CNTNAP2: variants seen among roughly 807,000 people sequenced by gnomAD.
The protein encoded by CNTNAP2 is contactin associated protein 2, also known as contactin-associated protein-like 2.
A neutral mutation model predicts 155.2 loss-of-function variants in CNTNAP2; 98 were observed. The ratio of observed to expected loss-of-function variants is 0.63; its 90% CI spans 0.54 to 0.75. The LOEUF (loss-of-function observed/expected upper bound fraction) is 0.75. CNTNAP2 is among the 30% of genes least tolerant of loss of function. The pLI is 0.00. For synonymous variants in CNTNAP2, 651 were observed against 631.2 expected, an observed-to-expected ratio of 1.03 and a Z score of -0.47; for missense variants, 1,727 against 1,688.1, an observed-to-expected ratio of 1.02 and a Z score of -0.40.
chr7:148,345,430 T>G (rs1319787952), intron 21 of CNTNAP2, among the ~76,000 whole-genome samples: 1 of 152,118 alleles, frequency 6.6e-6, no homozygotes, highest in Non-Finnish European at 1.5e-5. Flanking sequence ...TGACGCAATC[T>G]CAGCTCACTG....
At chr7:146,131,991 G>A (rs905183963) in intron 1 of CNTNAP2, among the ~76,000 whole-genome samples, 1 of 152,076 alleles carries the variant, frequency 6.6e-6, no homozygotes, top group African/African-American at 2.4e-5. Flanking sequence ...GTTTCCTTAG[G>A]ACTCCCCAGT....
rs10528525 is a variant in CNTNAP2, at chr7:147,784,494, AAT to A, written c.2099-119016_2099-119015del. 9.5e-3 allele frequency among the ~76,000 whole-genome samples: 419 copies of A among 44,188 alleles called. 3 individuals are homozygous for A. The highest frequency in any genetic ancestry group is 0.018 in the Non-Finnish European group (253 of 14,456). The allele number at this position is 44,188 out of a possible 152,430, so 29.0% of individuals were successfully genotyped here. On this transcript the variant is annotated intron_variant, in intron 13 of 23. Transcript: ENST00000361727. ...CTCTTAATATTCTGGGCTCTGGACT[AAT>A]ATATATATATATATATATATATATA...
At chr7:147,673,508 C>G (rs1333989049) in intron 13 of CNTNAP2, among the ~76,000 whole-genome samples, 1 of 152,200 alleles carries the variant, frequency 6.6e-6, no homozygotes, top group African/African-American at 2.4e-5. Context: ...TCCTCTTTCA[C>G]TATAGCATGC....
chr7:146,719,426 A>G (rs925331877), intron 1 of CNTNAP2, among the ~76,000 whole-genome samples: 1 of 152,178 alleles, frequency 6.6e-6, no homozygotes, highest in Non-Finnish European at 1.5e-5. Flanking sequence ...GTTTTGCCTA[A>G]TTTTTTCAGA....
At chr7:147,431,024 C>A (rs984446256) in intron 10 of CNTNAP2, among the ~76,000 whole-genome samples, 2 of 148,308 alleles carry the variant, frequency 1.3e-5, no homozygotes, top group Admixed American at 1.4e-4. Context: ...GCACTCCAGG[C>A]TGGGCGACAG....
intron 13 of CNTNAP2, among the ~76,000 whole-genome samples, chr7:147,722,706 T>G (rs2117029382): frequency 6.6e-6 from 1 of 152,222 alleles, no homozygotes; most frequent in South Asian, 2.1e-4. Context: ...TCAAGTAATG[T>G]TATTGCTTAA....
Position 146,158,143 on chromosome 7 carries a change from G to A in CNTNAP2, c.97+41170G>A, listed in dbSNP as rs146781528. On this transcript the variant is annotated intron_variant, in intron 1 of 23. Coordinates refer to ENST00000361727, the MANE Select transcript of CNTNAP2 (RefSeq NM_014141.6). ...AAACAGGTTGTGGAGTGGACCTCCAGCAAACTCCAACAGACCAGCACCTGA... is the reference window on the plus strand; with the variant it reads ...AAACAGGTTGTGGAGTGGACCTCCAACAAACTCCAACAGACCAGCACCTGA... Among the ~76,000 whole-genome samples, 736 of 152,258 alleles carry A rather than the reference G, an allele frequency of 4.8e-3. 7 individuals are homozygous for A. The highest frequency in any genetic ancestry group is 0.017 in the African/African-American group (701 of 41,548).
At position 147,108,194 on chromosome 7, in the gene CNTNAP2, T is replaced by C. The variant is rs1800804553; in HGVS notation, c.598T>C (p.Phe200Leu). Residue 200 changes from phenylalanine (F) to leucine (L), a missense_variant, in exon 5 of 24, where the codon TTC (phenylalanine) becomes CTC (leucine). Coordinates refer to ENST00000361727, the MANE Select transcript of CNTNAP2 (RefSeq NM_014141.6). Reference protein sequence around the residue: ...FDGHVVLPYRFRNKKMKTLKD... With the variant: ...FDGHVVLPYRLRNKKMKTLKD... ...TGGCCATGTTGTATTACCATATAGATTCAGAAACAAGAAGATGAAAACACT... is the reference window on the plus strand; with the variant it reads ...TGGCCATGTTGTATTACCATATAGACTCAGAAACAAGAAGATGAAAACACT... 3 of 1,613,672 alleles carry C rather than the reference T, an allele frequency of 1.9e-6. No homozygotes were observed. Among genetic ancestry groups the C allele is most frequent in the Non-Finnish European group, 2.5e-6 (3 of 1,179,770 alleles).
In CNTNAP2 at chr7:146,390,538, TG is replaced by T. The variant is rs1385157570; in HGVS notation, c.97+273566del. ...ATGTCACTCATGAAATTAAAATATA[TG>T]TATATATATACACACTATATATATA... On this transcript the variant is annotated intron_variant, in intron 1 of 23. Coordinates refer to ENST00000361727, the MANE Select transcript of CNTNAP2 (RefSeq NM_014141.6). Among the ~76,000 whole-genome samples the T allele has an allele frequency of 2.0e-5, 3 of 151,210 alleles. No homozygotes were observed. The South Asian group carries it at 6.2e-4, about 31-fold the overall frequency.
At chr7:146,299,146 C>T (rs1187655900) in intron 1 of CNTNAP2, among the ~76,000 whole-genome samples, 1 of 152,052 alleles carries the variant, frequency 6.6e-6, no homozygotes, top group Non-Finnish European at 1.5e-5. Flanking sequence ...TGGCATGTGC[C>T]TGTAATCCCA....
chr7:146,749,302 C>T (rs539572453), intron 1 of CNTNAP2, among the ~76,000 whole-genome samples: 1 of 152,170 alleles, frequency 6.6e-6, no homozygotes, highest in Non-Finnish European at 1.5e-5. Flanking sequence ...AAAGTAAACA[C>T]TTTTATTACC....
At chr7:147,116,942 C>T (rs961715331) in intron 5 of CNTNAP2, among the ~76,000 whole-genome samples, 4 of 152,194 alleles carry the variant, frequency 2.6e-5, no homozygotes, top group East Asian at 1.9e-4. Flanking sequence ...AAGGCCCAGT[C>T]GACCAAATAG....
chr7:148,171,841 A>G (rs147825800), intron 17 of CNTNAP2, among the ~76,000 whole-genome samples: 1 of 152,340 alleles, frequency 6.6e-6, no homozygotes, highest in African/African-American at 2.4e-5. Context: ...AACTATGCTA[A>G]TACATTCATG....
chr7:146,507,960 AC>A (rs1199304705), intron 1 of CNTNAP2, among the ~76,000 whole-genome samples: 1 of 152,158 alleles, frequency 6.6e-6, no homozygotes, highest in African/African-American at 2.4e-5. Flanking sequence ...AGTCCATCAC[AC>A]AGTGGTACTG....
chr7:147,460,448 T>G (rs1798003009), intron 10 of CNTNAP2, among the ~76,000 whole-genome samples: 1 of 152,162 alleles, frequency 6.6e-6, no homozygotes, highest in South Asian at 2.1e-4. Flanking sequence ...GCTGCATAAA[T>G]TGACTTTATA....
intron 1 of CNTNAP2, among the ~76,000 whole-genome samples, chr7:146,145,131 T>C (rs1434570145): frequency 6.6e-6 from 1 of 152,310 alleles, no homozygotes; most frequent in East Asian, 1.9e-4. Flanking sequence ...GAAACTCATC[T>C]TTTTCTGAGA....
chr7:146,745,101 A>G (rs1801786858), intron 1 of CNTNAP2, among the ~76,000 whole-genome samples: 1 of 152,214 alleles, frequency 6.6e-6, no homozygotes, highest in Admixed American at 6.5e-5. Context: ...AAACCATAAC[A>G]ATATTAATAG....
chr7:146,407,443 C>A (rs1795808352), intron 1 of CNTNAP2, among the ~76,000 whole-genome samples: 1 of 152,132 alleles, frequency 6.6e-6, no homozygotes, highest in Admixed American at 6.6e-5. Flanking sequence ...ATATAAATAT[C>A]TTAAGACTGG....
intron 1 of CNTNAP2, among the ~76,000 whole-genome samples, chr7:146,770,057 C>G (rs1356909152): frequency 6.6e-6 from 1 of 152,090 alleles, no homozygotes; most frequent in East Asian, 1.9e-4. Context: ...GGAGCCAGGT[C>G]TAATGAGCAA....
Sources: gnomAD v4.1 joint callset for allele counts (sites outside exome capture counted in the v4.1 genomes callset) on GRCh38, gnomAD v4.1.1 for gene constraint, MANE v1.5 for transcripts, NCBI Gene and HGNC (gene_info 2026-07-23, HGNC 2026-07-21) for gene names.